PRMT7: variants seen among roughly 807,000 people sequenced by gnomAD.
PRMT7 encodes the protein protein arginine N-methyltransferase 7.
In PRMT7, 75 loss-of-function variants were observed where a neutral mutation model predicts 85.4. That is an observed-to-expected ratio of 0.88 (90% confidence interval 0.73 to 1.06). The LOEUF is 1.06. Among genes scored for constraint, PRMT7 ranks in the 50% least tolerant of loss-of-function variants. The pLI is 0.00. For missense variants in PRMT7, 868 were observed against 915.2 expected (o/e 0.95, Z 0.67); for synonymous variants, 397 against 359.5 (o/e 1.10, Z -1.18).
intron 7 of PRMT7, among the ~76,000 whole-genome samples, chr16:68,338,537 G>C (rs138050622): frequency 5.3e-5 from 8 of 152,090 alleles, no homozygotes; most frequent in Admixed American, 5.2e-4. Context: ...GAGACAGTCC[G>C]GACCAGGGAG....
At chr16:68,345,531 A>G in intron 9 of PRMT7, 144 bp from the exon 10 acceptor site, 1 of 1,237,428 alleles carries the variant, frequency 8.1e-7, no homozygotes, top group Non-Finnish European at 1.1e-6. Flanking sequence ...TTTAGAGTTT[A>G]TTTATCTCCT....
rs774246377 is a variant in PRMT7 at position 68,357,230 on chromosome 16, C to T, written c.*6C>T. 1.2e-6 allele frequency: 2 copies of T among 1,606,042 alleles called. No homozygotes were observed. Among genetic ancestry groups the T allele is most frequent in the Non-Finnish European group, 1.7e-6 (2 of 1,175,880 alleles). On this transcript the variant is annotated 3_prime_UTR_variant, in exon 19 of 19. Coordinates refer to ENST00000441236, the MANE Select transcript of PRMT7 (RefSeq NM_019023.5). ...ATGCAGATACCCCAGACTGACCACT[C>T]TTGAGCAATAAAGTGGCCTGAGGGC... is the stretch of plus-strand genomic sequence containing the variant.
rs141946198 is a variant in PRMT7, at chr16:68,313,654, A to T, written c.-84+1478A>T. ...TGTTGGACACAGTTTTCTAATGCAC[A>T]TTACAGATTCTGACAGTTCTAGATA... is the stretch of plus-strand genomic sequence containing the variant. On this transcript the variant is annotated intron_variant, in intron 2 of 18. Transcript: ENST00000441236. 1.1e-3 allele frequency among the ~76,000 whole-genome samples: 165 copies of T among 152,352 alleles called. 1 individual carries two copies. Among genetic ancestry groups the T allele is most frequent in the African/African-American group, 4.0e-3 (165 of 41,580 alleles).
At chr16:68,324,903 C>A in intron 5 of PRMT7, 71 bp downstream of exon 5, 1 of 1,578,786 alleles carries the variant, frequency 6.3e-7, no homozygotes. Flanking sequence ...GCACTTTCCC[C>A]GTCTGTTCCT....
At position 68,312,146 on chromosome 16, in the gene PRMT7, T is replaced by G. The variant is rs1254985831; in HGVS notation, c.-114T>G. 2.0e-5 allele frequency: 3 copies of G among 151,264 alleles called. No homozygotes were observed. Among genetic ancestry groups the G allele is most frequent in the African/African-American group, 7.3e-5 (3 of 41,206 alleles). The allele number at this position is 151,264 out of a possible 1,614,324, so 9.4% of individuals were successfully genotyped here. A position where few individuals can be genotyped will look rare whatever the true frequency, so the allele number is the denominator to read the frequency against. On this transcript the variant is annotated 5_prime_UTR_variant, in exon 2 of 19. Transcript: ENST00000441236. Reference sequence around the variant, plus strand: ...TCCTCACCTCGGCCTACCGAGTAGCTGGGACTACAGGCACGCGCCACTACA... The same window carrying G: ...TCCTCACCTCGGCCTACCGAGTAGCGGGGACTACAGGCACGCGCCACTACA...
chr16:68,351,367 G>C (rs1325494645), intron 14 of PRMT7: 1 of 112,326 alleles, frequency 8.9e-6, no homozygotes, highest in East Asian at 3.1e-4. Context: ...TTTCTTACCC[G>C]GACTCTTTCT....
At chr16:68,324,424 A>C in intron 4 of PRMT7, 1 of 501,292 alleles carries the variant, frequency 2.0e-6, no homozygotes. Flanking sequence ...GAAAAAGGAG[A>C]ACATGGTTTG....
intron 6 of PRMT7, among the ~76,000 whole-genome samples, chr16:68,334,002 C>G (rs996533176): frequency 6.6e-6 from 1 of 152,162 alleles, no homozygotes; most frequent in South Asian, 2.1e-4. Context: ...AACTCATGAC[C>G]TCAAGCGATC....
rs757794649 is a variant in PRMT7, at chr16:68,348,327, G to T, written c.1324-15G>T. On this transcript the variant is annotated splice_polypyrimidine_tract_variant and intron_variant, in intron 13 of 18. Coordinates refer to ENST00000441236, the MANE Select transcript of PRMT7 (RefSeq NM_019023.5). ...TTTAGTATGAATACAGTAATTTTACGGTTTTCTTTCTAAGATCTTCAAGGC... is the reference window on the plus strand; with the variant it reads ...TTTAGTATGAATACAGTAATTTTACTGTTTTCTTTCTAAGATCTTCAAGGC... The T allele has an allele frequency of 6.4e-7, 1 of 1,560,580 alleles. No homozygotes were observed. Among genetic ancestry groups the T allele is most frequent in the African/African-American group, 1.4e-5 (1 of 73,570 alleles).
In PRMT7 at chr16:68,357,169, AC is replaced by A; in HGVS notation, c.2028del (p.Asp677ThrfsTer20). 1 of 1,613,848 alleles carries A rather than the reference AC, an allele frequency of 6.2e-7. No homozygotes were observed. On this transcript the variant is annotated frameshift_variant, in exon 19 of 19. Coordinates refer to ENST00000441236, the MANE Select transcript of PRMT7 (RefSeq NM_019023.5). LOFTEE classifies it low-confidence loss of function (END_TRUNC). The stretch of plus-strand genomic sequence containing the variant: ...ACTGTCAGCTATGCAGTGGAGTTTC[AC>A]CCCGACACAGGCGACATCATCATGG... Reference protein sequence around the residue: ...PRTVSYAVEFHPDTGDIIMEF... With the variant: ...PRTVSYAVEFXPDTGDIIMEF...
intron 5 of PRMT7, among the ~76,000 whole-genome samples, chr16:68,327,298 G>A (rs963804554): frequency 2.6e-5 from 4 of 152,212 alleles, no homozygotes; most frequent in African/African-American, 7.2e-5. Flanking sequence ...AGGGCCACAC[G>A]TGAGTCTGTT....
chr16:68,335,480 C>A (rs2084535073), intron 6 of PRMT7, among the ~76,000 whole-genome samples: 1 of 151,822 alleles, frequency 6.6e-6, no homozygotes, highest in Non-Finnish European at 1.5e-5. Flanking sequence ...AGAGGATGGG[C>A]AGGGCTTCTC....
intron 12 of PRMT7, 27 bp from the exon 13 acceptor site, chr16:68,347,602 TAC>T (rs2086614087): frequency 6.2e-7 from 1 of 1,604,042 alleles, no homozygotes; most frequent in Non-Finnish European, 8.5e-7. Flanking sequence ...GTGAATATCT[TAC>T]AACTAATAGC....
chr16:68,321,693 G>T, intron 4 of PRMT7: 1 of 451,568 alleles, frequency 2.2e-6, no homozygotes, highest in Non-Finnish European at 4.0e-6. Flanking sequence ...CTATGTTTAT[G>T]GTAATACAAT....
At chr16:68,313,316 T>C (rs1415706016) in intron 2 of PRMT7, among the ~76,000 whole-genome samples, 2 of 152,192 alleles carry the variant, frequency 1.3e-5, no homozygotes, top group Non-Finnish European at 2.9e-5. Context: ...CACCCAGTCA[T>C]CACGCTTATG....
intron 9 of PRMT7, among the ~76,000 whole-genome samples, chr16:68,342,275 C>T (rs1336123435): frequency 6.6e-6 from 1 of 152,132 alleles, no homozygotes; most frequent in Non-Finnish European, 1.5e-5. Context: ...GAGACTCTGT[C>T]TCAAAAAATA....
At chr16:68,339,612 A>AG (rs2085218865) in intron 8 of PRMT7, 49 bp downstream of exon 8, 4 of 1,606,864 alleles carry the variant, frequency 2.5e-6, no homozygotes, top group Non-Finnish European at 3.4e-6. Context: ...ATTTGATGGA[A>AG]GTTGGGTATT....
In PRMT7 at chr16:68,345,726, G is replaced by C; in HGVS notation, c.979G>C (p.Val327Leu). ...GTACTTCCTGCCACAAGAGGAGCCT[G>C]TGGTGCAGGGCTCAGCGCTCTATCT... Reference protein sequence around the residue: ...CVYFLPQEEPVVQGSALYLVA... With the variant: ...CVYFLPQEEPLVQGSALYLVA... The change falls in exon 10 of 19, where the codon GTG (valine) becomes CTG (leucine). Residue 327 changes from valine to leucine, a missense_variant. Transcript: ENST00000441236. 1 of 1,614,138 alleles carries C rather than the reference G, an allele frequency of 6.2e-7. No homozygotes were observed. Among genetic ancestry groups the C allele is most frequent in the South Asian group, 1.1e-5 (1 of 91,082 alleles).
At chr16:68,336,732 G>T (rs2151689176) in intron 6 of PRMT7, among the ~76,000 whole-genome samples, 1 of 151,968 alleles carries the variant, frequency 6.6e-6, no homozygotes, top group East Asian at 1.9e-4. Context: ...TTGGGTGTGT[G>T]TTTTTTTTGT....
Sources: allele counts gnomAD v4.1 joint callset (sites outside exome capture counted in the v4.1 genomes callset), GRCh38; gene constraint gnomAD v4.1.1; transcripts MANE v1.5; gene names NCBI Gene and HGNC (gene_info 2026-07-23, HGNC 2026-07-21).